Variants in SPAG16 observed in about 807,000 individuals in gnomAD.
SPAG16 encodes the protein sperm associated antigen 16.
In SPAG16, 86 loss-of-function variants were observed where a neutral mutation model predicts 80.4. The observed-to-expected ratio is 1.07, with a 90% CI of 0.90 to 1.28. The LOEUF is 1.28. Among genes scored for constraint, SPAG16 ranks in the 50% most tolerant of loss-of-function variants. The pLI, the probability that SPAG16 is intolerant of heterozygous loss-of-function variation, is 0.00. For synonymous variants in SPAG16, 294 were observed against 265.9 expected (o/e 1.11, Z -1.03); for missense variants, 870 against 765.3 (o/e 1.14, Z -1.61).
At chr2:213,434,963 C>CTA (rs1452639752) in intron 9 of SPAG16, among the ~76,000 whole-genome samples, 3 of 152,146 alleles carry the variant, frequency 2.0e-5, no homozygotes, top group Admixed American at 2.0e-4. Flanking sequence ...TACTAGGTAT[C>CTA]TACCCAAAAG....
chr2:213,600,429 T>G (rs941104048), intron 10 of SPAG16, among the ~76,000 whole-genome samples: 2 of 152,218 alleles, frequency 1.3e-5, no homozygotes, highest in Non-Finnish European at 2.9e-5. Flanking sequence ...TTTGCCTCAT[T>G]GATATGAAGG....
At chr2:213,551,726 A>T (rs543595390) in intron 10 of SPAG16, among the ~76,000 whole-genome samples, 1 of 152,242 alleles carries the variant, frequency 6.6e-6, no homozygotes, top group East Asian at 1.9e-4. Flanking sequence ...TTTGCTGACC[A>T]CTTTCTTTTC....
intron 10 of SPAG16, among the ~76,000 whole-genome samples, chr2:213,771,064 A>G (rs1478844229): frequency 6.6e-6 from 1 of 152,126 alleles, no homozygotes; most frequent in East Asian, 1.9e-4. Flanking sequence ...GGTTGAACTA[A>G]TTTACATTCC....
chr2:213,741,906 G>C (rs950138133), intron 10 of SPAG16, among the ~76,000 whole-genome samples: 2 of 151,904 alleles, frequency 1.3e-5, no homozygotes, highest in African/African-American at 4.8e-5. Flanking sequence ...AGTTACACTA[G>C]GTTTCTTTGG....
intron 15 of SPAG16, among the ~76,000 whole-genome samples, chr2:214,319,035 A>C (rs1213640180): frequency 6.6e-6 from 1 of 152,210 alleles, no homozygotes; most frequent in Non-Finnish European, 1.5e-5. Context: ...ATATTACCTT[A>C]ATAAACTAGT....
At chr2:213,540,226 A>G (rs553088521) in intron 10 of SPAG16, among the ~76,000 whole-genome samples, 34 of 148,424 alleles carry the variant, frequency 2.3e-4, no homozygotes, top group Non-Finnish European at 3.9e-4. Flanking sequence ...TTTTTTTTGT[A>G]TTTTTAGTAG....
intron 10 of SPAG16, among the ~76,000 whole-genome samples, chr2:213,634,358 A>G (rs2062275969): frequency 2.0e-5 from 3 of 152,114 alleles, no homozygotes; most frequent in African/African-American, 7.2e-5. Context: ...TTCTATTTAT[A>G]TCTTATTGTA....
chr2:213,284,483 G>A lies in SPAG16; in HGVS notation c.-1G>A, dbSNP rs1303854416. 4 of 1,565,476 alleles carry A rather than the reference G, an allele frequency of 2.6e-6. No homozygotes were observed. Among genetic ancestry groups the A allele is most frequent in the Non-Finnish European group, 2.6e-6 (3 of 1,155,538 alleles). On this transcript the variant is annotated 5_prime_UTR_variant, in exon 1 of 16. Transcript: ENST00000331683. ...GGGGGTGGGGGCCCGAAGCGCCAGA[G>A]ATGGCTGCTCAGCGAGGGATGCCCA...
intron 12 of SPAG16, among the ~76,000 whole-genome samples, chr2:214,000,215 C>T (rs1291119365): frequency 4.6e-5 from 7 of 151,998 alleles, no homozygotes; most frequent in Non-Finnish European, 5.9e-5. Flanking sequence ...TGGGTGGGAC[C>T]CAGTGGGAGA....
chr2:213,942,812 A>G (rs1348019909), intron 12 of SPAG16, among the ~76,000 whole-genome samples: 1 of 152,190 alleles, frequency 6.6e-6, no homozygotes, highest in African/African-American at 2.4e-5. Context: ...AAAAGAAATA[A>G]TGGCGACTGC....
chr2:214,208,192 T>C (rs992318582), intron 15 of SPAG16, among the ~76,000 whole-genome samples: 1 of 152,216 alleles, frequency 6.6e-6, no homozygotes, highest in Non-Finnish European at 1.5e-5. Flanking sequence ...ATCTGTATTA[T>C]GTTGTCTTTT....
At chr2:214,273,886 C>A (rs997066798) in intron 15 of SPAG16, among the ~76,000 whole-genome samples, 1 of 152,114 alleles carries the variant, frequency 6.6e-6, no homozygotes, top group South Asian at 2.1e-4. Context: ...TTACCCTGTG[C>A]AGTATGGCCA....
intron 12 of SPAG16, among the ~76,000 whole-genome samples, chr2:213,976,135 T>TATATATATATATATACACACAC (rs749957411): frequency 3.7e-5 from 3 of 81,404 alleles, no homozygotes; most frequent in African/African-American, 1.1e-4. Context: ...TATATATATA[T>TATATATATATATATACACACAC]ACACACACAC....
chr2:213,319,583 C>G (rs1008647896), intron 5 of SPAG16, among the ~76,000 whole-genome samples: 5 of 151,858 alleles, frequency 3.3e-5, no homozygotes, highest in African/African-American at 1.2e-4. Flanking sequence ...GTATATTCAT[C>G]TAATGGATTC....
At chr2:214,190,272 G>A (rs76735314) in intron 15 of SPAG16, among the ~76,000 whole-genome samples, 73 of 152,084 alleles carry the variant, frequency 4.8e-4, no homozygotes, top group African/African-American at 1.7e-3. Flanking sequence ...AATATGAGTG[G>A]GACCTTTACA....
At chr2:213,563,989 G>A (rs1254439160) in intron 10 of SPAG16, among the ~76,000 whole-genome samples, 1 of 152,198 alleles carries the variant, frequency 6.6e-6, no homozygotes, top group African/African-American at 2.4e-5. Context: ...AGGGAAAGGA[G>A]GAAAGGGAGC....
intron 10 of SPAG16, among the ~76,000 whole-genome samples, chr2:213,543,065 T>C (rs1319966390): frequency 6.6e-6 from 1 of 152,040 alleles, no homozygotes; most frequent in Non-Finnish European, 1.5e-5. Flanking sequence ...ATTTTCCAAA[T>C]GTTTAAAAGA....
intron 13 of SPAG16, among the ~76,000 whole-genome samples, chr2:214,091,487 A>G (rs781603717): frequency 6.6e-6 from 1 of 152,146 alleles, no homozygotes; most frequent in Non-Finnish European, 1.5e-5. Context: ...AACTTGCTGT[A>G]TATACCTGCA....
At chr2:213,284,703 C>A (rs1575066357) in intron 1 of SPAG16, 84 bp downstream of exon 1, 1 of 1,486,520 alleles carries the variant, frequency 6.7e-7, no homozygotes, top group Middle Eastern at 1.8e-4. Context: ...ACTGGCGGCG[C>A]CTTTTGAGCC....
Sources: gnomAD v4.1 joint callset for allele counts (sites outside exome capture counted in the v4.1 genomes callset) on GRCh38, gnomAD v4.1.1 for gene constraint, MANE v1.5 for transcripts, NCBI Gene and HGNC (gene_info 2026-07-23, HGNC 2026-07-21) for gene names.